OPA3: variants seen among roughly 807,000 people sequenced by gnomAD.
The protein encoded by OPA3 is optic atrophy 3 protein.
Under a neutral mutation model 4.0 loss-of-function variants are expected in OPA3, and 6 were observed. That is an observed-to-expected ratio of 1.51 (90% CI 0.83 to 2.99). The LOEUF is 2.99. Among genes scored for constraint, OPA3 ranks in the 30% most tolerant of loss-of-function variants. OPA3 has a pLI of 0.00. For missense variants in OPA3, 235 were observed against 256.2 expected, an observed-to-expected ratio of 0.92 and a Z score of 0.56; for synonymous variants, 105 against 117.1, an observed-to-expected ratio of 0.90 and a Z score of 0.67.
chr19:45,580,951 G>A (rs2122520211), intron 1 of OPA3, among the ~76,000 whole-genome samples: 1 of 152,286 alleles, frequency 6.6e-6, no homozygotes, highest in South Asian at 2.1e-4. Context: ...CGCTAAGAAT[G>A]TCACAGTGTT....
chr19:45,539,438 A>C (rs1453107716), intron 1 of OPA3, among the ~76,000 whole-genome samples: 1 of 152,094 alleles, frequency 6.6e-6, no homozygotes, highest in African/African-American at 2.4e-5. Flanking sequence ...CAAAAACATC[A>C]CAAAAAAGTT....
At chr19:45,529,876 TG>T (rs1969040107) in intron 1 of OPA3, among the ~76,000 whole-genome samples, 1 of 151,540 alleles carries the variant, frequency 6.6e-6, no homozygotes, top group African/African-American at 2.4e-5. Context: ...TGGGACAACG[TG>T]TGCGCGCCAT....
At chr19:45,531,208 T>C (rs757890188) in intron 1 of OPA3, among the ~76,000 whole-genome samples, 18 of 152,222 alleles carry the variant, frequency 1.2e-4, no homozygotes, top group Admixed American at 7.2e-4. Context: ...ATTAATCCTG[T>C]AGATCCATAA....
At chr19:45,553,949 GC>G in intron 1 of OPA3, 38 bp from the exon 2 acceptor site, 3 of 1,553,804 alleles carry the variant, frequency 1.9e-6, no homozygotes, top group Non-Finnish European at 2.6e-6. Context: ...CGCTCTGGGA[GC>G]CCCCTGCAAG....
chr19:45,557,003 C>G (rs942601961), intron 1 of OPA3, among the ~76,000 whole-genome samples: 1 of 152,228 alleles, frequency 6.6e-6, no homozygotes, highest in African/African-American at 2.4e-5. Context: ...ACTCGCCAGA[C>G]CTGGTGGTGG....
rs559078622 is a variant in OPA3, at chr19:45,570,980, G to C, written c.142+13643C>G. Among the ~76,000 whole-genome samples the C allele has an allele frequency of 2.4e-3, 241 of 99,564 alleles. 9 individuals are homozygous for C. The highest frequency in any genetic ancestry group is 7.2e-3 in the South Asian group (19 of 2,638). 65.3% of individuals were successfully genotyped at this position (99,564 alleles called of 152,430 possible). On this transcript the variant is annotated intron_variant, in intron 1 of 1. Coordinates refer to ENST00000263275, the MANE Select transcript of OPA3 (RefSeq NM_025136.4). The stretch of plus-strand genomic sequence containing the variant: ...TTTTCGGTGACAGCAAAACTATTTG[G>C]GGGGGGGGGGCATGAATAAATAAGT...
intron 1 of OPA3, among the ~76,000 whole-genome samples, chr19:45,560,277 A>C (rs1408717587): frequency 6.6e-6 from 1 of 151,974 alleles, no homozygotes; most frequent in Non-Finnish European, 1.5e-5. Context: ...GGGATCCTCT[A>C]TCTGAGCTCT....
chr19:45,565,043 G>A (rs1225154340), intron 1 of OPA3, among the ~76,000 whole-genome samples: 3 of 151,224 alleles, frequency 2.0e-5, no homozygotes, highest in Admixed American at 6.6e-5. Context: ...TGGCCAACAT[G>A]GTGAAACCTC....
intron 1 of OPA3, among the ~76,000 whole-genome samples, chr19:45,556,353 T>C (rs998657546): frequency 2.7e-5 from 4 of 150,240 alleles, no homozygotes; most frequent in African/African-American, 1.0e-4. Flanking sequence ...CCATATTCCA[T>C]CTTATTTATT....
chr19:45,547,807 C>T lies in OPA3; in HGVS notation c.*5707G>A, dbSNP rs553465270. ...CCGCCTCCCGGGTTCAAGCGATTCTCCTGCCACAGCCTCCTGAGTGGCTGG... is the reference window on the plus strand; with the variant it reads ...CCGCCTCCCGGGTTCAAGCGATTCTTCTGCCACAGCCTCCTGAGTGGCTGG... On this transcript the variant is annotated 3_prime_UTR_variant, in exon 2 of 2. Coordinates refer to ENST00000263275, the MANE Select transcript of OPA3 (RefSeq NM_025136.4). 2.6e-5 allele frequency: 4 copies of T among 152,736 alleles called. No homozygotes were observed. The highest frequency in any genetic ancestry group is 9.6e-5 in the African/African-American group (4 of 41,550). 9.5% of individuals were successfully genotyped at this position (152,736 alleles called of 1,614,324 possible). A position where few individuals can be genotyped will look rare whatever the true frequency, so the allele number is the denominator to read the frequency against.
Position 45,549,351 on chromosome 19 carries a change from C to G in OPA3, c.*4163G>C. On this transcript the variant is annotated 3_prime_UTR_variant, in exon 2 of 2. Transcript: ENST00000263275. ...TAGATGGCCCTGCTGCCCACGATGA[C>G]TGGCTGCCTGTCAGGGCAGGGCAGG... 10 of 943,776 alleles carry G rather than the reference C, an allele frequency of 1.1e-5. No individual in the cohort carries two copies. Among genetic ancestry groups the G allele is most frequent in the Non-Finnish European group, 1.2e-5 (10 of 817,150 alleles). 58.5% of individuals were successfully genotyped at this position (943,776 alleles called of 1,614,324 possible). A position where few individuals can be genotyped will look rare whatever the true frequency, so the allele number is the denominator to read the frequency against.
intron 1 of OPA3, among the ~76,000 whole-genome samples, chr19:45,568,140 G>A (rs1969610406): frequency 6.6e-6 from 1 of 151,880 alleles, no homozygotes; most frequent in African/African-American, 2.4e-5. Flanking sequence ...CTGGTATTAC[G>A]GGTGTTGGCC....
At chr19:45,565,367 C>A (rs1314760214) in intron 1 of OPA3, among the ~76,000 whole-genome samples, 1 of 152,082 alleles carries the variant, frequency 6.6e-6, no homozygotes, top group Non-Finnish European at 1.5e-5. Context: ...TGGTGGCTCA[C>A]GCCTGTAATC....
chr19:45,580,438 CAT>C (rs1555736263), intron 1 of OPA3, among the ~76,000 whole-genome samples: 10 of 148,946 alleles, frequency 6.7e-5, no homozygotes, highest in East Asian at 2.0e-4. Context: ...GGATTACAGG[CAT>C]GCGCCACCAC....
chr19:45,563,364 TA>T (rs1164421995), intron 1 of OPA3, among the ~76,000 whole-genome samples: 2 of 151,450 alleles, frequency 1.3e-5, no homozygotes, highest in African/African-American at 2.4e-5. Flanking sequence ...TTCACCGTGT[TA>T]GCCAGGATGG....
intron 1 of OPA3, among the ~76,000 whole-genome samples, chr19:45,567,596 A>C (rs10420349): frequency 1.3e-5 from 2 of 152,140 alleles, no homozygotes; most frequent in Non-Finnish European, 2.9e-5. Context: ...GGGTATATGC[A>C]TGTACCAATA....
chr19:45,564,867 A>G (rs1056800035), intron 1 of OPA3, among the ~76,000 whole-genome samples: 3 of 152,210 alleles, frequency 2.0e-5, no homozygotes, highest in African/African-American at 7.2e-5. Flanking sequence ...GTCCTATCAT[A>G]AGTCTCTGAA....
At chr19:45,572,714 A>G (rs1247452736) in intron 1 of OPA3, among the ~76,000 whole-genome samples, 6 of 140,084 alleles carry the variant, frequency 4.3e-5, no homozygotes, top group African/African-American at 1.0e-4. Flanking sequence ...GATATATCTC[A>G]ATATATACCT....
chr19:45,558,355 C>T (rs1265202844), intron 1 of OPA3, among the ~76,000 whole-genome samples: 2 of 151,808 alleles, frequency 1.3e-5, no homozygotes, highest in African/African-American at 4.8e-5. Flanking sequence ...AAAGAACAAA[C>T]CTACCATTCC....
Sources: allele counts gnomAD v4.1 joint callset (sites outside exome capture counted in the v4.1 genomes callset), GRCh38; gene constraint gnomAD v4.1.1; transcripts MANE v1.5; gene names NCBI Gene and HGNC (gene_info 2026-07-23, HGNC 2026-07-21).